The following ARL10 variants were observed in gnomAD, a reference collection of about 807,000 sequenced individuals.
The protein encoded by ARL10 is ARF like GTPase 10, also known as ADP-ribosylation factor-like protein 10.
ARL10 carries 23 observed loss-of-function variants against 26.1 expected under a neutral mutation model. The observed-to-expected ratio is 0.88, with a 90% CI of 0.63 to 1.25. The LOEUF is 1.25. Ranked by LOEUF, ARL10 falls within the 50% of genes most tolerant of loss-of-function variation. The pLI, the probability that ARL10 is intolerant of heterozygous loss-of-function variation, is 0.00. For synonymous variants in ARL10, 138 were observed against 149.1 expected (o/e 0.93, Z 0.54); for missense variants, 300 against 323.6 (o/e 0.93, Z 0.56).
At chr5:176,384,507 C>T, downstream of ARL10, 1 of 856,092 alleles carries the variant, frequency 1.2e-6, no homozygotes, top group Non-Finnish European at 1.8e-6. Context: ...CTGTGGTGCA[C>T]CGGGCACAGT....
downstream of ARL10, chr5:176,385,170 G>C (rs116580789): frequency 1.4e-4 from 147 of 1,024,776 alleles, no homozygotes; most frequent in Non-Finnish European, 2.1e-4. Flanking sequence ...ATCAAGCCGC[G>C]AATGGTCCAG....
At chr5:176,385,410 C>A (rs1581406149), downstream of ARL10, 3 of 820,170 alleles carry the variant, frequency 3.7e-6, no homozygotes, top group East Asian at 5.0e-5. Context: ...CCCCTTCACC[C>A]ACTCCCAAGC....
intron 1 of ARL10, among the ~76,000 whole-genome samples, chr5:176,394,778 G>A (rs1756436638): frequency 6.6e-6 from 1 of 151,758 alleles, no homozygotes; most frequent in Non-Finnish European, 1.5e-5. Context: ...TCATGCCACT[G>A]CACTCCAGCC....
chr5:176,366,044 C>T (rs912480596), intron 1 of ARL10, among the ~76,000 whole-genome samples: 13 of 152,292 alleles, frequency 8.5e-5, no homozygotes, highest in Middle Eastern at 3.4e-3. Flanking sequence ...TCGGGAGCAT[C>T]CCGGGGCCCA....
chr5:176,397,773 G>A (rs1390648893), intron 1 of ARL10: 37 of 1,560,532 alleles, frequency 2.4e-5, no homozygotes, highest in Admixed American at 1.8e-4. Flanking sequence ...GCACAGGCCC[G>A]GCCGCGCTCC....
At chr5:176,396,455 C>T (rs1581424678) in intron 1 of ARL10, 2 of 1,605,838 alleles carry the variant, frequency 1.2e-6, no homozygotes, top group East Asian at 2.2e-5. Flanking sequence ...GCTCCCCCAA[C>T]AGAGAAGCAA....
downstream of ARL10, among the ~76,000 whole-genome samples, chr5:176,391,965 G>A (rs1211892039): frequency 6.6e-6 from 1 of 152,244 alleles, no homozygotes; most frequent in Non-Finnish European, 1.5e-5. Flanking sequence ...TGAACGTCCT[G>A]TTTGCAAACT....
chr5:176,365,983 C>T (rs1004805819), intron 1 of ARL10, among the ~76,000 whole-genome samples: 2 of 152,176 alleles, frequency 1.3e-5, no homozygotes, highest in Non-Finnish European at 2.9e-5. Context: ...CGTCGCTCCA[C>T]GCCATGAGGC....
intron 3 of ARL10, among the ~76,000 whole-genome samples, chr5:176,369,960 A>C (rs1768482868): frequency 6.7e-6 from 1 of 148,504 alleles, no homozygotes; most frequent in Non-Finnish European, 1.5e-5. Flanking sequence ...CCCTATCTCA[A>C]AAAAAAAAAA....
downstream of ARL10, chr5:176,384,533 TC>T (rs1377062835): frequency 7.1e-6 from 5 of 703,082 alleles, no homozygotes; most frequent in Non-Finnish European, 1.2e-5. Flanking sequence ...ATGCCTGTAA[TC>T]CCAACACTCT....
At chr5:176,401,885 C>T (rs1363540364), downstream of ARL10, 7 of 409,266 alleles carry the variant, frequency 1.7e-5, no homozygotes, top group Admixed American at 1.1e-4. Flanking sequence ...AAAACTCTCC[C>T]TCCTGCCCTC....
chr5:176,406,647 G>T, downstream of ARL10: 1 of 1,289,412 alleles, frequency 7.8e-7, no homozygotes. Context: ...GTTGTGGGCA[G>T]GCTCGTCCTT....
chr5:176,384,116 A>G (rs754357726), downstream of ARL10: 2 of 1,609,802 alleles, frequency 1.2e-6, no homozygotes, highest in East Asian at 4.5e-5. Flanking sequence ...TTCTGATTCC[A>G]TGGGACCTGG....
Position 176,398,723 on chromosome 5 carries a change from CAAATAA to C in ARL10, c.134-3008_134-3003del, listed in dbSNP as rs1484932432. 2.6e-5 allele frequency among the ~76,000 whole-genome samples: 4 copies of C among 151,974 alleles called. No individual in the cohort carries two copies. The East Asian group carries it at 7.7e-4, about 29-fold the overall frequency. ...GCAAAACCCCGTCTCAAAAAATAAA[CAAATAA>C]AAATAAAAAATAAAAATACTGCTTG... On this transcript the variant is annotated intron_variant, in intron 1 of 1. Transcript: ENST00000514533.
downstream of ARL10, chr5:176,384,367 G>A (rs767341425): frequency 1.9e-6 from 3 of 1,612,640 alleles, no homozygotes; most frequent in Non-Finnish European, 2.5e-6. Flanking sequence ...CTCATCACGG[G>A]CCATGGCCTA....
intron 1 of ARL10, chr5:176,397,665 G>C (rs1159244677): frequency 1.2e-6 from 2 of 1,612,762 alleles, no homozygotes; most frequent in Non-Finnish European, 1.7e-6. Context: ...CACTCCTCCA[G>C]GTCCTTCTTG....
chr5:176,388,768 C>G (rs1440718808), downstream of ARL10: 7 of 1,593,202 alleles, frequency 4.4e-6, no homozygotes, highest in African/African-American at 8.1e-5. Flanking sequence ...ATGACCTTCA[C>G]CGGGAGGCTG....
downstream of ARL10, chr5:176,406,127 C>T (rs551395927): frequency 1.7e-4 from 163 of 985,322 alleles, no homozygotes; most frequent in African/African-American, 2.7e-3. Flanking sequence ...GACAGTGTCA[C>T]GGGCCACAAC....
At chr5:176,369,055 C>A in intron 3 of ARL10, 73 bp downstream of exon 3, 1 of 1,574,924 alleles carries the variant, frequency 6.3e-7, no homozygotes. Context: ...GCAAGGAGCG[C>A]TGCCTGGGCC....
Sources: gnomAD v4.1 joint callset for allele counts (sites outside exome capture counted in the v4.1 genomes callset) on GRCh38, gnomAD v4.1.1 for gene constraint, MANE v1.5 for transcripts, NCBI Gene and HGNC (gene_info 2026-07-23, HGNC 2026-07-21) for gene names.